Variants in SLC26A6 observed in about 807,000 individuals in gnomAD.
SLC26A6 encodes the protein anion exchange transporter.
A neutral mutation model predicts 87.1 loss-of-function variants in SLC26A6; 67 were observed. The ratio of observed to expected loss-of-function variants is 0.77; its 90% confidence interval spans 0.63 to 0.94. SLC26A6 has a LOEUF of 0.94. SLC26A6 is among the 40% of genes least tolerant of loss of function. SLC26A6 has a pLI of 0.00. For synonymous variants in SLC26A6, 414 were observed against 405.9 expected (o/e 1.02, Z -0.24); for missense variants, 902 against 973.0 (o/e 0.93, Z 0.97).
chr3:48,633,555 A>C lies in SLC26A6; in HGVS notation c.104T>G (p.Leu35Arg). The C allele has an allele frequency of 6.2e-7, 1 of 1,613,490 alleles. No homozygotes were observed. The highest frequency in any genetic ancestry group is 8.5e-7 in the Non-Finnish European group (1 of 1,179,994). ...RRRDYHMERPLLNQEHLEELG... is the reference protein window; with the variant it reads ...RRRDYHMERPRLNQEHLEELG... Reference sequence around the variant, plus strand: ...CTCCTCCAAATGCTCCTGGTTCAGCAGCGGCCGTTCCATGTGGTAGTCTCG... The same window carrying C: ...CTCCTCCAAATGCTCCTGGTTCAGCCGCGGCCGTTCCATGTGGTAGTCTCG... The change falls in exon 2 of 21, where the codon CTG becomes CGG. Residue 35 changes from leucine to arginine, a missense_variant. Leu to Arg is a moderately radical substitution (Grantham distance 102, BLOSUM62 -2). Transcript: ENST00000395550.
In SLC26A6 at chr3:48,632,990, G is replaced by C. The variant is rs535345160; in HGVS notation, c.417C>G (p.Ser139=). 6.2e-7 allele frequency: 1 copy of C among 1,613,412 alleles called. No homozygotes were observed. ...TCCACTTACCCACGGAGATGTGCCG[G>C]GAAGTGCCAAACAGGAAGTAGATGA... ...PVFIYFLFGT[S]RHISVGTFAV... is the part of the protein sequence containing the mutation. The change falls in exon 4 of 21, where the codon TCC becomes TCG. Residue 139 remains serine, a synonymous_variant. Transcript: ENST00000395550.
At chr3:48,627,092 G>A (rs772617696) in intron 17 of SLC26A6, 37 bp from the exon 18 acceptor site, 69 of 1,599,502 alleles carry the variant, frequency 4.3e-5, no homozygotes, top group South Asian at 1.1e-5. Context: ...CCACCCATGA[G>A]AGAGTGAAGG....
intron 11 of SLC26A6, 58 bp from the exon 12 acceptor site, chr3:48,630,215 C>T: frequency 6.3e-7 from 1 of 1,578,966 alleles, no homozygotes; most frequent in East Asian, 2.3e-5. Flanking sequence ...TGACAACCCT[C>T]CTCACCGAGG....
Position 48,631,924 on chromosome 3 carries a change from C to G in SLC26A6, c.706G>C (p.Gly236Arg), listed in dbSNP as rs1293466019. The change falls in exon 6 of 21, where the codon GGC becomes CGC. Residue 236 changes from glycine (G) to arginine (R), a missense_variant. By Grantham distance (125) the Gly-to-Arg change is moderately radical. Transcript: ENST00000395550. ...CCAGAGTGGCTGCTCAGATGGAGGC[C>G]AAACACATACTTGAGCTGTGAGACG... ...VFVSQLKYVF[G>R]LHLSSHSGPL... The G allele has an allele frequency of 6.2e-7, 1 of 1,613,510 alleles. No homozygotes were observed. Among genetic ancestry groups the G allele is most frequent in the Non-Finnish European group, 8.5e-7 (1 of 1,180,034 alleles).
At chr3:48,632,554 C>T in intron 4 of SLC26A6, 158 bp from the exon 5 acceptor site, 1 of 1,043,960 alleles carries the variant, frequency 9.6e-7, no homozygotes, top group Non-Finnish European at 1.4e-6. Context: ...TCAGGTTTGG[C>T]CAGGCCAGGA....
chr3:48,633,320 G>A lies in SLC26A6; in HGVS notation c.253C>T (p.Pro85Ser), dbSNP rs1575531532. ...LPVLVWLPRY[P>S]VRDWLLGDLL... ...TCACCCAGGAGCCAGTCACGCACAG[G>A]ATACCGGGGTAACCAGACCAAAACC... The change falls in exon 3 of 21, where the codon CCT becomes TCT. Residue 85 changes from proline (P) to serine (S), a missense_variant. Physicochemically the swap from Pro to Ser is moderately conservative, Grantham distance 74. Transcript: ENST00000395550. 1 of 1,613,626 alleles carries A rather than the reference G, an allele frequency of 6.2e-7. No homozygotes were observed. The highest frequency in any genetic ancestry group is 8.5e-7 in the Non-Finnish European group (1 of 1,180,012).
intron 11 of SLC26A6, 70 bp from the exon 12 acceptor site, chr3:48,630,227 A>G: frequency 6.4e-7 from 1 of 1,552,966 alleles, no homozygotes; most frequent in Non-Finnish European, 8.8e-7. Context: ...TCACCGAGGC[A>G]AAGCCAGACT....
chr3:48,631,462 C>T (rs1490277025), intron 7 of SLC26A6, 156 bp from the exon 8 acceptor site: 1 of 1,105,756 alleles, frequency 9.0e-7, no homozygotes, highest in Non-Finnish European at 1.3e-6. Context: ...ACCATTTCGG[C>T]TATGGGGAGA....
chr3:48,631,192 C>A, intron 8 of SLC26A6, 32 bp downstream of exon 8: 1 of 1,611,728 alleles, frequency 6.2e-7, no homozygotes, highest in Non-Finnish European at 8.5e-7. Flanking sequence ...GGCTGCCCAA[C>A]CCTCCCTGAC....
At chr3:48,626,541 G>T in intron 19 of SLC26A6, 90 bp downstream of exon 19, 1 of 1,589,684 alleles carries the variant, frequency 6.3e-7, no homozygotes, top group South Asian at 1.1e-5. Context: ...TCCAGAGAAA[G>T]ACTTTTTCCT....
In SLC26A6 at chr3:48,631,811, G is replaced by A. The variant is rs1426127616; in HGVS notation, c.751-10C>T. 1.2e-6 allele frequency: 2 copies of A among 1,613,366 alleles called. No homozygotes were observed. Among genetic ancestry groups the A allele is most frequent in the African/African-American group, 1.3e-5 (1 of 75,034 alleles). On this transcript the variant is annotated splice_polypyrimidine_tract_variant and intron_variant, in intron 6 of 20. Coordinates refer to ENST00000395550, the MANE Select transcript of SLC26A6 (RefSeq NM_022911.3). ...AGACCTCCAGCACTGTCTGAGGAGA[G>A]GCCAGGTCACAGCTAGCACTCAAGG...
At chr3:48,632,918 G>A in intron 4 of SLC26A6, 56 bp downstream of exon 4, 1 of 1,523,220 alleles carries the variant, frequency 6.6e-7, no homozygotes, top group Non-Finnish European at 9.0e-7. Flanking sequence ...CCCTCACCCT[G>A]CCCTCCATGA....
chr3:48,632,326 G>A lies in SLC26A6; in HGVS notation c.504C>T (p.Asp168=). The A allele has an allele frequency of 6.2e-7, 1 of 1,613,246 alleles. No homozygotes were observed. Among genetic ancestry groups the A allele is most frequent in the Non-Finnish European group, 8.5e-7 (1 of 1,179,848 alleles). Residue 168 remains aspartate (D), a synonymous_variant, in exon 5 of 21, where the codon GAC becomes GAT. Coordinates refer to ENST00000395550, the MANE Select transcript of SLC26A6 (RefSeq NM_022911.3). ...CTCTGGCTGTCTCATTGATCATGGA[G>A]TCGTTCAAGGCCTGCGGGGCCAGGG... ...TESLAPQALN[D]SMINETARDA...
chr3:48,626,030 T>G, intron 20 of SLC26A6, 30 bp from the exon 21 acceptor site: 2 of 1,613,594 alleles, frequency 1.2e-6, no homozygotes, highest in Non-Finnish European at 1.7e-6. Context: ...GAGGCTCTAG[T>G]CAGTTTCCAA....
chr3:48,633,367 G>C lies in SLC26A6; in HGVS notation c.206C>G (p.Ala69Gly). The C allele has an allele frequency of 1.2e-6, 2 of 1,613,470 alleles. No homozygotes were observed. The highest frequency in any genetic ancestry group is 1.7e-6 in the Non-Finnish European group (2 of 1,180,012). The change falls in exon 3 of 21, where the codon GCC becomes GGC. Residue 69 changes from alanine (A) to glycine (G), a missense_variant. Physicochemically the swap from Ala to Gly is moderately conservative, Grantham distance 60. Transcript: ENST00000395550. The part of the protein sequence containing the change: ...WLQCSRARAY[A>G]LLLQHLPVLV... ...AACCGGGAGGTGTTGGAGCAGAAGGGCATAGGCCCGAGCACGGGAGCACCT... is the reference window on the plus strand; with the variant it reads ...AACCGGGAGGTGTTGGAGCAGAAGGCCATAGGCCCGAGCACGGGAGCACCT...
At position 48,628,391 on chromosome 3, in the gene SLC26A6, CAG is replaced by C. The variant is rs1491457753; in HGVS notation, c.1800+41_1800+42del. ...CCAGGAGAAAGGCTGGGGCAGGGAA[CAG>C]GGGGCAGGAGATGGGGGTCACCAGA... On this transcript the variant is annotated intron_variant, in intron 16 of 20. Coordinates refer to ENST00000395550, the MANE Select transcript of SLC26A6 (RefSeq NM_022911.3). This position sits in a 1 kb window ranked among gnomAD's most constrained non-coding sequence, Gnocchi z 4.4. 1,374 of 1,609,260 alleles carry C rather than the reference CAG, an allele frequency of 8.5e-4. 14 individuals are homozygous for C. Among genetic ancestry groups the C allele is most frequent in the Middle Eastern group, 7.5e-4 (4 of 5,306 alleles).
Position 48,632,540 on chromosome 3 carries a change from C to T in SLC26A6, c.434-144G>A, listed in dbSNP as rs201545518. The T allele has an allele frequency of 6.5e-5, 80 of 1,233,498 alleles. No individual in the cohort carries two copies. In the East Asian group the frequency reaches 1.1e-3, roughly 16 times the overall value. The allele number at this position is 1,233,498 out of a possible 1,614,324, so 76.4% of individuals were successfully genotyped here. On this transcript the variant is annotated intron_variant, in intron 4 of 20. Coordinates refer to ENST00000395550, the MANE Select transcript of SLC26A6 (RefSeq NM_022911.3). ...GCTGCATGAACAGGGACAGTGCTGG[C>T]GGTTCAGGTTTGGCCAGGCCAGGAG...
rs557570588 is a variant in SLC26A6 at position 48,635,234 on chromosome 3, G to A, written c.23+137C>T. On this transcript the variant is annotated intron_variant, in intron 1 of 20. Coordinates refer to ENST00000395550, the MANE Select transcript of SLC26A6 (RefSeq NM_022911.3). Reference sequence around the variant, plus strand: ...CACCCCTTGCTGCAGAGGGGCAGCCGCCTGCAGAAAATCAGCAGAGGTAAA... The same window carrying A: ...CACCCCTTGCTGCAGAGGGGCAGCCACCTGCAGAAAATCAGCAGAGGTAAA... 3.8e-5 allele frequency: 46 copies of A among 1,207,756 alleles called. 1 individual carries two copies. In the Admixed American group the frequency reaches 6.0e-4, roughly 16 times the overall value. The allele number at this position is 1,207,756 out of a possible 1,614,324, so 74.8% of individuals were successfully genotyped here. A position where few individuals can be genotyped will look rare whatever the true frequency, so the allele number is the denominator to read the frequency against.
intron 7 of SLC26A6, 41 bp downstream of exon 7, chr3:48,631,608 C>T: frequency 6.3e-7 from 1 of 1,599,508 alleles, no homozygotes; most frequent in South Asian, 1.1e-5. Flanking sequence ...CCCAGCCTGA[C>T]CTGCCCTTCT....
Sources: allele counts gnomAD v4.1 joint callset, GRCh38; gene constraint gnomAD v4.1.1; non-coding constraint Gnocchi (gnomAD v3.1); transcripts MANE v1.5; gene names NCBI Gene and HGNC (gene_info 2026-07-23, HGNC 2026-07-21).